The following SMR3B variants were observed in gnomAD, a reference collection of about 807,000 sequenced individuals.
SMR3B encodes submaxillary gland androgen regulated protein 3B, also known as submaxillary gland androgen-regulated protein 3B.
For missense variants in SMR3B, 114 were observed against 99.9 expected, an observed-to-expected ratio of 1.14 and a Z score of -0.60; for synonymous variants, 42 against 36.1, an observed-to-expected ratio of 1.16 and a Z score of -0.59.
At chr4:70,388,281 T>TA (rs1553915209) in intron 2 of SMR3B, among the ~76,000 whole-genome samples, 2 of 151,904 alleles carry the variant, frequency 1.3e-5, no homozygotes, top group African/African-American at 4.8e-5. Flanking sequence ...CTATTTTTTT[T>TA]TTATTTTTTA....
At chr4:70,385,487 T>C (rs1732644536) in intron 2 of SMR3B, among the ~76,000 whole-genome samples, 1 of 140,914 alleles carries the variant, frequency 7.1e-6, no homozygotes, top group African/African-American at 2.7e-5. Flanking sequence ...CACTGCAAGC[T>C]CCGCCTCCCG....
chr4:70,389,489 A>C (rs1395338796), intron 2 of SMR3B, among the ~76,000 whole-genome samples, 174 bp from the exon 3 acceptor site: 1 of 152,148 alleles, frequency 6.6e-6, no homozygotes, highest in East Asian at 1.9e-4. Flanking sequence ...TCTGTCTCTG[A>C]CATTGTAGAA....
At chr4:70,383,432 T>TG (rs1172298823) in intron 1 of SMR3B, among the ~76,000 whole-genome samples, 1 of 152,114 alleles carries the variant, frequency 6.6e-6, no homozygotes, top group Non-Finnish European at 1.5e-5. Context: ...TGTTGGGCAT[T>TG]TGGGCCAATC....
intron 2 of SMR3B, among the ~76,000 whole-genome samples, chr4:70,385,398 G>GTTTT (rs71210170): frequency 5.6e-5 from 6 of 107,050 alleles, no homozygotes; most frequent in African/African-American, 1.5e-4. Flanking sequence ...CATCTACTTT[G>GTTTT]TTTTTTTTTT....
Position 70,389,760 on chromosome 4 carries a change from C to T in SMR3B, c.152C>T (p.Pro51Leu), listed in dbSNP as rs1732729705. The change falls in exon 3 of 3, where the codon CCT (proline) becomes CTT (leucine). Residue 51 changes from proline to leucine, a missense_variant. By Grantham distance (98) the Pro-to-Leu change is moderately conservative (BLOSUM62 -3). Coordinates refer to ENST00000304915, the MANE Select transcript of SMR3B (RefSeq NM_006685.4). ...CCAGGATTTGTTCCACCACCTCCTC[C>T]TCCACCCTATGGTCCAGGGAGAATC... is the stretch of plus-strand genomic sequence containing the variant. Reference protein sequence around the residue: ...FGPGFVPPPPPPPYGPGRIPP... With the variant: ...FGPGFVPPPPLPPYGPGRIPP... The T allele has an allele frequency of 1.2e-6, 2 of 1,613,716 alleles. No individual in the cohort carries two copies. The highest frequency in any genetic ancestry group is 1.7e-6 in the Non-Finnish European group (2 of 1,179,800).
chr4:70,386,912 C>T (rs1013442751), intron 2 of SMR3B, among the ~76,000 whole-genome samples: 8 of 152,152 alleles, frequency 5.3e-5, no homozygotes, highest in Non-Finnish European at 1.2e-4. Flanking sequence ...GTCAAATGCC[C>T]TCCATAATAC....
At position 70,390,119 on chromosome 4, in the gene SMR3B, T is replaced by C. The variant is rs1182065160; in HGVS notation, c.*271T>C. 1.4e-6 allele frequency: 1 copy of C among 738,898 alleles called. No homozygotes were observed. Among genetic ancestry groups the C allele is most frequent in the Non-Finnish European group, 2.4e-6 (1 of 421,422 alleles). 45.8% of individuals were successfully genotyped at this position (738,898 alleles called of 1,614,324 possible). ...ACATAAAATTGCTTCCATTTTTGGA[T>C]GAGAATGAAAAATTCCAAAAGTGCT... is the stretch of plus-strand genomic sequence containing the variant. On this transcript the variant is annotated 3_prime_UTR_variant, in exon 3 of 3. Transcript: ENST00000304915.
At chr4:70,384,983 T>G (rs1221968887) in intron 2 of SMR3B, 1 of 156,602 alleles carries the variant, frequency 6.4e-6, no homozygotes, top group Non-Finnish European at 1.4e-5. Flanking sequence ...AATAAGAGTA[T>G]CAGATAATGG....
chr4:70,388,772 C>CATT (rs1368081915), intron 2 of SMR3B, among the ~76,000 whole-genome samples: 6 of 152,172 alleles, frequency 3.9e-5, no homozygotes, highest in Non-Finnish European at 8.8e-5. Flanking sequence ...ACAGCTCCTA[C>CATT]ATTAGCTCAT....
chr4:70,387,746 T>C (rs1413540697), intron 2 of SMR3B, among the ~76,000 whole-genome samples: 1 of 152,110 alleles, frequency 6.6e-6, no homozygotes, highest in Non-Finnish European at 1.5e-5. Flanking sequence ...GTGGAGAATG[T>C]TGATAAAACT....
intron 1 of SMR3B, 96 bp downstream of exon 1, chr4:70,383,308 T>TCATAGAA (rs1732588951): frequency 6.6e-6 from 1 of 152,152 alleles, no homozygotes; most frequent in Admixed American, 6.5e-5. Flanking sequence ...TATGGGCTTT[T>TCATAGAA]CATAGAACAT....
intron 2 of SMR3B, among the ~76,000 whole-genome samples, chr4:70,387,198 G>A (rs1732680654): frequency 6.6e-6 from 1 of 152,148 alleles, no homozygotes; most frequent in Non-Finnish European, 1.5e-5. Context: ...TATAAGCAGG[G>A]AAATAATATA....
chr4:70,388,039 A>G (rs191333704), intron 2 of SMR3B, among the ~76,000 whole-genome samples: 2 of 152,264 alleles, frequency 1.3e-5, no homozygotes. Context: ...TCCTGTGTAA[A>G]CCATCTGCTC....
chr4:70,389,541 G>A (rs1732723025), intron 2 of SMR3B, 122 bp from the exon 3 acceptor site: 1 of 976,028 alleles, frequency 1.0e-6, no homozygotes, highest in Non-Finnish European at 1.5e-6. Flanking sequence ...AGGCCAGCAT[G>A]TGCCAGCAGG....
Position 70,383,759 on chromosome 4 carries a change from A to G in SMR3B, c.-15+547A>G, listed in dbSNP as rs376290786. ...TGCAGAGTTGACTAACAGGAAGCCA[A>G]TTTGCACCATGGTGTATGGAGTTGC... On this transcript the variant is annotated intron_variant, in intron 1 of 2. Coordinates refer to ENST00000304915, the MANE Select transcript of SMR3B (RefSeq NM_006685.4). Among the ~76,000 whole-genome samples, 72 of 152,230 alleles carry G rather than the reference A, an allele frequency of 4.7e-4. 3 individuals are homozygous for G. The South Asian group carries it at 0.014, about 30-fold the overall frequency.
intron 2 of SMR3B, chr4:70,384,795 AAC>A: frequency 1.5e-6 from 1 of 672,636 alleles, no homozygotes; most frequent in East Asian, 3.2e-5. Flanking sequence ...GACTGCATTA[AAC>A]AGATACGTAT....
chr4:70,385,417 T>G (rs1245323877), intron 2 of SMR3B, among the ~76,000 whole-genome samples: 1 of 132,380 alleles, frequency 7.6e-6, no homozygotes, highest in Non-Finnish European at 1.6e-5. Context: ...TTTTTTTTTT[T>G]TTTTGAAACA....
intron 2 of SMR3B, among the ~76,000 whole-genome samples, chr4:70,387,248 T>C (rs1415118431): frequency 6.6e-6 from 1 of 152,198 alleles, no homozygotes; most frequent in Non-Finnish European, 1.5e-5. Context: ...TTAAACTTTC[T>C]GTATATTTTA....
rs751047704 is a variant in SMR3B, at chr4:70,389,667, G to A, written c.59G>A (p.Gly20Asp). 6 of 1,613,524 alleles carry A rather than the reference G, an allele frequency of 3.7e-6. No homozygotes were observed. The South Asian group carries it at 4.4e-5, about 12-fold the overall frequency. ...ATTTACTTCTTATTTCCACAGCCTG[G>A]TGAGAGTCAAAGAGGCCCCAGGGGA... is the stretch of plus-strand genomic sequence containing the variant. ...LWALAACFTPGESQRGPRGPY... is the reference protein window; with the variant it reads ...LWALAACFTPDESQRGPRGPY... Residue 20 changes from glycine (G) to aspartate (D), a missense_variant, in exon 3 of 3, where the codon GGT becomes GAT. Transcript: ENST00000304915.
Sources: gnomAD v4.1 joint callset for allele counts (sites outside exome capture counted in the v4.1 genomes callset) on GRCh38, gnomAD v4.1.1 for gene constraint, MANE v1.5 for transcripts, NCBI Gene and HGNC (gene_info 2026-07-23, HGNC 2026-07-21) for gene names.